RNF168: variants seen among roughly 807,000 people sequenced by gnomAD.
The protein encoded by RNF168 is E3 ubiquitin-protein ligase RNF168.
Under a neutral mutation model 34.9 loss-of-function variants are expected in RNF168, and 34 were observed. The observed-to-expected ratio is 0.97, with a 90% CI of 0.74 to 1.30. The LOEUF (loss-of-function observed/expected upper bound fraction) is 1.30, where lower values mean the gene tolerates loss of function less well. Ranked by LOEUF, RNF168 falls within the 50% of genes most tolerant of loss-of-function variation. The probability of loss-of-function intolerance (pLI) is 0.00; values close to 1 mark genes in which losing one functional copy is unlikely to be tolerated. For missense variants in RNF168, 725 were observed against 682.5 expected, an observed-to-expected ratio of 1.06 and a Z score of -0.69; for synonymous variants, 264 against 254.7, an observed-to-expected ratio of 1.04 and a Z score of -0.35.
chr3:196,493,834 T>C (rs1732668899), intron 1 of RNF168, among the ~76,000 whole-genome samples: 1 of 150,786 alleles, frequency 6.6e-6, no homozygotes, highest in Admixed American at 6.6e-5. Context: ...CCATTTGCTA[T>C]TTCTTTCTTT....
Position 196,472,194 on chromosome 3 carries a change from C to T in RNF168, c.1341G>A (p.Arg447=), listed in dbSNP as rs1183593917. The change falls in exon 6 of 6, where the codon AGG becomes AGA. Residue 447 remains arginine, a synonymous_variant. Coordinates refer to ENST00000318037, the MANE Select transcript of RNF168 (RefSeq NM_152617.4). ...FERHKQEEQD[R]LLALQLQKEV... ...CCTTCTGAAGTTGTAATGCCAATAA[C>T]CTGTCCTGTTCTTCTTGTTTATGTC... 2.5e-6 allele frequency: 4 copies of T among 1,613,954 alleles called. No individual in the cohort carries two copies. The highest frequency in any genetic ancestry group is 3.4e-6 in the Non-Finnish European group (4 of 1,179,938).
At chr3:196,481,997 G>A (rs1343606247) in intron 4 of RNF168, among the ~76,000 whole-genome samples, 2 of 130,710 alleles carry the variant, frequency 1.5e-5, no homozygotes, top group Non-Finnish European at 3.2e-5. Context: ...ACAGGATCTT[G>A]CTATGCTGTC....
rs1045312502 is a variant in RNF168, at chr3:196,471,614, G to C, written c.*205C>G. The C allele has an allele frequency of 1.7e-6, 1 of 573,280 alleles. No individual in the cohort carries two copies. Among genetic ancestry groups the C allele is most frequent in the Admixed American group, 3.0e-5 (1 of 33,120 alleles). 35.5% of individuals were successfully genotyped at this position (573,280 alleles called of 1,614,324 possible). A position where few individuals can be genotyped will look rare whatever the true frequency, so the allele number is the denominator to read the frequency against. On this transcript the variant is annotated 3_prime_UTR_variant, in exon 6 of 6. Coordinates refer to ENST00000318037, the MANE Select transcript of RNF168 (RefSeq NM_152617.4). ...TTAATACACATCTGTTATTAAGAAGGGAAACGACAGGGGACCCCTGCTTAC... is the reference window on the plus strand; with the variant it reads ...TTAATACACATCTGTTATTAAGAAGCGAAACGACAGGGGACCCCTGCTTAC...
intron 1 of RNF168, among the ~76,000 whole-genome samples, 184 bp from the exon 2 acceptor site, chr3:196,488,867 T>C (rs1276822857): frequency 6.6e-6 from 1 of 152,194 alleles, no homozygotes; most frequent in Non-Finnish European, 1.5e-5. Flanking sequence ...ATTTATTTTT[T>C]TTGAGACAGA....
chr3:196,471,652 CAGA>C lies in RNF168; in HGVS notation c.*164_*166del, dbSNP rs1732009717. On this transcript the variant is annotated 3_prime_UTR_variant, in exon 6 of 6. Transcript: ENST00000318037. ...GACCCCTGCTTACCGCTGAGCTGTG[CAGA>C]AGCTCATGTGTCTATGCAGTCCTTA... 3.1e-6 allele frequency: 2 copies of C among 647,926 alleles called. No individual in the cohort carries two copies. Among genetic ancestry groups the C allele is most frequent in the Non-Finnish European group, 5.6e-6 (2 of 358,288 alleles). 40.1% of individuals were successfully genotyped at this position (647,926 alleles called of 1,614,324 possible). A position where few individuals can be genotyped will look rare whatever the true frequency, so the allele number is the denominator to read the frequency against.
chr3:196,477,304 A>G (rs1231489708), intron 4 of RNF168, among the ~76,000 whole-genome samples: 1 of 152,230 alleles, frequency 6.6e-6, no homozygotes, highest in East Asian at 1.9e-4. Context: ...GCAGCTAGCC[A>G]TGGCTTTTAG....
At position 196,483,778 on chromosome 3, in the gene RNF168, AT is replaced by A. The variant is rs751814773; in HGVS notation, c.671del (p.Asp224ValfsTer6). 1.2e-6 allele frequency: 2 copies of A among 1,611,244 alleles called. No individual in the cohort carries two copies. Among genetic ancestry groups the A allele is most frequent in the East Asian group, 4.5e-5 (2 of 44,840 alleles). On this transcript the variant is annotated frameshift_variant, in exon 4 of 6. Coordinates refer to ENST00000318037, the MANE Select transcript of RNF168 (RefSeq NM_152617.4). LOFTEE classifies it high-confidence loss of function. Reference protein sequence around the residue: ...KSKNKQRNTGDIQKYLTPKSQ... With the variant: ...KSKNKQRNTGXIQKYLTPKSQ... ...TAGTCATGTTCACTTACTTCTGAAT[AT>A]CTCCAGTGTTTCTTTGTTTGTTCTT...
intron 4 of RNF168, among the ~76,000 whole-genome samples, chr3:196,477,568 T>C (rs1732179107): frequency 6.6e-6 from 1 of 152,210 alleles, no homozygotes; most frequent in Non-Finnish European, 1.5e-5. Flanking sequence ...TCTCATTTAG[T>C]TTCTTTAGGC....
chr3:196,502,593 A>G (rs1276204149), intron 1 of RNF168, among the ~76,000 whole-genome samples: 1 of 151,684 alleles, frequency 6.6e-6, no homozygotes, highest in Non-Finnish European at 1.5e-5. Context: ...GTCTCAAAAA[A>G]AAAAAAAAGA....
chr3:196,498,885 C>T (rs1008940922), intron 1 of RNF168, among the ~76,000 whole-genome samples: 2 of 151,736 alleles, frequency 1.3e-5, no homozygotes, highest in Admixed American at 6.6e-5. Context: ...ATCCCAGCTA[C>T]TTAGGAGGCT....
intron 5 of RNF168, among the ~76,000 whole-genome samples, chr3:196,474,619 G>C (rs554771677): frequency 2.0e-5 from 3 of 151,840 alleles, no homozygotes; most frequent in South Asian, 2.1e-4. Context: ...GGCTAATTTT[G>C]TATTTTTTTG....
chr3:196,472,721 C>G lies in RNF168; in HGVS notation c.814G>C (p.Glu272Gln), dbSNP rs1446897289. The change falls in exon 6 of 6, where the codon GAA becomes CAA. Residue 272 changes from glutamate (E) to glutamine (Q), a missense_variant. Physicochemically the swap from Glu to Gln is conservative, Grantham distance 29. Coordinates refer to ENST00000318037, the MANE Select transcript of RNF168 (RefSeq NM_152617.4). ...TGTGGAGAAAGTGTCGGCATATCTT[C>G]TATTTCTGTGTCTTGCCCTGTTGGG... ...KSPTGQDTEIEDMPTLSPQIS... is the reference protein window; with the variant it reads ...KSPTGQDTEIQDMPTLSPQIS... 1 of 1,608,922 alleles carries G rather than the reference C, an allele frequency of 6.2e-7. No individual in the cohort carries two copies. Among genetic ancestry groups the G allele is most frequent in the South Asian group, 1.1e-5 (1 of 90,986 alleles).
chr3:196,480,308 T>G (rs1732256272), intron 4 of RNF168, among the ~76,000 whole-genome samples: 1 of 152,214 alleles, frequency 6.6e-6, no homozygotes, highest in Non-Finnish European at 1.5e-5. Context: ...GCCCATATGC[T>G]TATTACTTGG....
At chr3:196,499,401 C>T (rs535789878) in intron 1 of RNF168, among the ~76,000 whole-genome samples, 1 of 152,330 alleles carries the variant, frequency 6.6e-6, no homozygotes, top group East Asian at 1.9e-4. Flanking sequence ...TGGAGTTCTA[C>T]TCTTCAGAAC....
At position 196,478,388 on chromosome 3, in the gene RNF168, C is replaced by A. The variant is rs543697567; in HGVS notation, c.681-3076G>T. 3.9e-5 allele frequency among the ~76,000 whole-genome samples: 6 copies of A among 152,286 alleles called. No individual in the cohort carries two copies. The East Asian group carries it at 1.2e-3, about 29-fold the overall frequency. ...CTGTTCAAATCATGTTCAAATAAGGCAAATGCCAAACTGTAACCACTCTGG... is the reference window on the plus strand; with the variant it reads ...CTGTTCAAATCATGTTCAAATAAGGAAAATGCCAAACTGTAACCACTCTGG... On this transcript the variant is annotated intron_variant, in intron 4 of 5. Coordinates refer to ENST00000318037, the MANE Select transcript of RNF168 (RefSeq NM_152617.4).
intron 4 of RNF168, among the ~76,000 whole-genome samples, chr3:196,478,424 C>T (rs1256853846): frequency 6.6e-6 from 1 of 152,098 alleles, no homozygotes; most frequent in Non-Finnish European, 1.5e-5. Flanking sequence ...CTGTCTCTGC[C>T]CCTCATTTCT....
intron 1 of RNF168, among the ~76,000 whole-genome samples, chr3:196,493,957 AT>A (rs1732674151): frequency 6.6e-6 from 1 of 151,342 alleles, no homozygotes; most frequent in Non-Finnish European, 1.5e-5. Flanking sequence ...GGCTCAAGCA[AT>A]GCTACTGCCT....
At chr3:196,477,271 A>C (rs1326396136) in intron 4 of RNF168, among the ~76,000 whole-genome samples, 1 of 152,224 alleles carries the variant, frequency 6.6e-6, no homozygotes, top group Admixed American at 6.5e-5. Context: ...CAAATGGTGG[A>C]AACTTTGGGT....
chr3:196,483,705 T>C, intron 4 of RNF168, 65 bp downstream of exon 4: 1 of 1,374,316 alleles, frequency 7.3e-7, no homozygotes, highest in Non-Finnish European at 1.0e-6. Flanking sequence ...TAGTAGTCTA[T>C]ATGAACAGAA....
Sources: gnomAD v4.1 joint callset for allele counts (sites outside exome capture counted in the v4.1 genomes callset) on GRCh38, gnomAD v4.1.1 for gene constraint, MANE v1.5 for transcripts, NCBI Gene and HGNC (gene_info 2026-07-23, HGNC 2026-07-21) for gene names.